TMEM39B: variants seen among roughly 807,000 people sequenced by gnomAD.
The protein encoded by TMEM39B is transmembrane protein 39B.
TMEM39B carries 23 observed loss-of-function variants against 52.2 expected under a neutral mutation model. The observed-to-expected ratio is 0.44, with a 90% CI of 0.32 to 0.62. TMEM39B has a LOEUF of 0.62. TMEM39B is among the 20% of genes least tolerant of loss of function. The pLI is 0.06. For missense variants in TMEM39B, 547 were observed against 642.0 expected (o/e 0.85, Z 1.60); for synonymous variants, 285 against 264.0 (o/e 1.08, Z -0.77).
At chr1:32,092,076 G>A (rs1640632387) in intron 6 of TMEM39B, 65 bp downstream of exon 6, 1 of 1,471,500 alleles carries the variant, frequency 6.8e-7, no homozygotes, top group African/African-American at 1.4e-5. Context: ...CCTGCCCGAT[G>A]TGAGTTCTCC....
chr1:32,083,986 G>GACAC (rs779224876), intron 5 of TMEM39B, among the ~76,000 whole-genome samples: 9 of 151,528 alleles, frequency 5.9e-5, no homozygotes, highest in East Asian at 5.8e-4. Flanking sequence ...CCCTGTTTCA[G>GACAC]ACACACAGAC....
In TMEM39B at chr1:32,075,480, AG is replaced by A. The variant is rs1466672741; in HGVS notation, c.132-121del. The A allele has an allele frequency of 1.2e-5, 12 of 993,740 alleles. No homozygotes were observed. The East Asian group carries it at 2.9e-4, about 24-fold the overall frequency. 61.6% of individuals were successfully genotyped at this position (993,740 alleles called of 1,614,324 possible). ...GTTCCTTTGTCTGACAAGCAGGATT[AG>A]GAAGACCCCGTCCTTGCTATGAGCT... On this transcript the variant is annotated intron_variant, in intron 2 of 8. Coordinates refer to ENST00000336294, the MANE Select transcript of TMEM39B (RefSeq NM_018056.4).
chr1:32,091,743 T>C lies in TMEM39B; in HGVS notation c.659T>C (p.Met220Thr). The change falls in exon 6 of 9, where the codon ATG becomes ACG. Residue 220 changes from methionine (M) to threonine (T), a missense_variant. Coordinates refer to ENST00000336294, the MANE Select transcript of TMEM39B (RefSeq NM_018056.4). ...CGCAAGACAAGCCTCTTCAACCACA[T>C]GGCCTCCATGGGGCCCCGGGAGGCG... Reference protein sequence around the residue: ...DLRKTSLFNHMASMGPREAVS... With the variant: ...DLRKTSLFNHTASMGPREAVS... 1.9e-6 allele frequency: 3 copies of C among 1,614,158 alleles called. No individual in the cohort carries two copies. The highest frequency in any genetic ancestry group is 2.5e-6 in the Non-Finnish European group (3 of 1,180,008).
chr1:32,081,534 G>C (rs1640101261), intron 5 of TMEM39B, among the ~76,000 whole-genome samples: 1 of 152,112 alleles, frequency 6.6e-6, no homozygotes, highest in Non-Finnish European at 1.5e-5. Flanking sequence ...GATCACTTGA[G>C]GTCAGGAGTT....
At position 32,102,675 on chromosome 1, in the gene TMEM39B, C is replaced by A; in HGVS notation, c.*2C>A. The A allele has an allele frequency of 1.3e-6, 2 of 1,549,408 alleles. No individual in the cohort carries two copies. Among genetic ancestry groups the A allele is most frequent in the Non-Finnish European group, 1.7e-6 (2 of 1,144,978 alleles). On this transcript the variant is annotated 3_prime_UTR_variant, in exon 9 of 9. Transcript: ENST00000336294. ...GACCTGGACCACCGTTTCTCCTGAG[C>A]CCTGGGGTCACCTCAGGGACAGCGT...
At chr1:32,074,342 A>G (rs938037926) in intron 1 of TMEM39B, among the ~76,000 whole-genome samples, 1 of 152,174 alleles carries the variant, frequency 6.6e-6, no homozygotes, top group African/African-American at 2.4e-5. Flanking sequence ...AATGTGTACC[A>G]GAGTTGAGAG....
At chr1:32,072,638 A>C (rs1639687153), upstream of TMEM39B, among the ~76,000 whole-genome samples, 1 of 152,106 alleles carries the variant, frequency 6.6e-6, no homozygotes, top group South Asian at 2.1e-4. Flanking sequence ...GTGCCTGCGG[A>C]CCGGTCAGGG....
At chr1:32,073,266 C>A in intron 1 of TMEM39B, 1 of 580,610 alleles carries the variant, frequency 1.7e-6, no homozygotes, top group Non-Finnish European at 2.7e-6. Flanking sequence ...GCTTCTAAGA[C>A]GAAGCCCTGT....
At chr1:32,095,034 G>A in intron 7 of TMEM39B, 63 bp downstream of exon 7, 7 of 1,555,788 alleles carry the variant, frequency 4.5e-6, no homozygotes, top group Non-Finnish European at 6.1e-6. Context: ...GGAGTCACTT[G>A]TCCACTCGCT....
At chr1:32,074,704 A>T (rs1639778728) in intron 1 of TMEM39B, among the ~76,000 whole-genome samples, 1 of 151,268 alleles carries the variant, frequency 6.6e-6, no homozygotes, top group Admixed American at 6.6e-5. Flanking sequence ...AGAGGTAGCA[A>T]TGAGCTTGGC....
Position 32,082,599 on chromosome 1 carries a change from T to C in TMEM39B, c.590+5281T>C, listed in dbSNP as rs1308979065. ...CCTCCCGAGTAGCTGGGATTACAGG[T>C]GTGCACCACCACGCCCAGCTAATTT... On this transcript the variant is annotated intron_variant, in intron 5 of 8. Transcript: ENST00000336294. Among the ~76,000 whole-genome samples, 8 of 144,162 alleles carry C rather than the reference T, an allele frequency of 5.5e-5. No individual in the cohort carries two copies. In the South Asian group the frequency reaches 1.6e-3, roughly 28 times the overall value. 94.6% of individuals were successfully genotyped at this position (144,162 alleles called of 152,430 possible).
chr1:32,094,917 TG>T lies in TMEM39B; in HGVS notation c.1064del (p.Gly355AlafsTer31). ...CDLLHKAAAHLGCWQKVDPAL... is the reference protein window; with the variant it reads ...CDLLHKAAAHXGCWQKVDPAL... ...CTGCTGCACAAGGCCGCCGCCCATC[TG>T]GGCTGTTGGCAGAAGGTGGACCCAG... On this transcript the variant is annotated frameshift_variant, in exon 7 of 9. Coordinates refer to ENST00000336294, the MANE Select transcript of TMEM39B (RefSeq NM_018056.4). LOFTEE classifies it high-confidence loss of function. 6.2e-7 allele frequency: 1 copy of T among 1,613,960 alleles called. No individual in the cohort carries two copies. Among genetic ancestry groups the T allele is most frequent in the Non-Finnish European group, 8.5e-7 (1 of 1,180,044 alleles).
intron 3 of TMEM39B, 81 bp downstream of exon 3, chr1:32,075,903 A>G: frequency 2.1e-6 from 2 of 968,542 alleles, no homozygotes. Context: ...TTTTGGTTTC[A>G]GTTTAGCATA....
intron 5 of TMEM39B, among the ~76,000 whole-genome samples, chr1:32,083,409 C>CT (rs1052027069): frequency 0.091 from 4,982 of 54,762 alleles, 890 homozygotes; most frequent in Non-Finnish European, 0.11. Context: ...TAAAGGACTT[C>CT]TTTTTTTTTT....
intron 7 of TMEM39B, among the ~76,000 whole-genome samples, chr1:32,098,893 A>G (rs1640913585): frequency 6.6e-6 from 1 of 152,244 alleles, no homozygotes; most frequent in Non-Finnish European, 1.5e-5. Flanking sequence ...ACAGATGGGA[A>G]ATAAATAGAT....
chr1:32,088,145 C>T lies in TMEM39B; in HGVS notation c.591-3530C>T, dbSNP rs551761476. Reference sequence around the variant, plus strand: ...CATCTCCAAAAAAAAAAGCCAGGCACGGTGGCTCATGCCTGTAATCCCAGC... The same window carrying T: ...CATCTCCAAAAAAAAAAGCCAGGCATGGTGGCTCATGCCTGTAATCCCAGC... On this transcript the variant is annotated intron_variant, in intron 5 of 8. Transcript: ENST00000336294. Among the ~76,000 whole-genome samples the T allele has an allele frequency of 7.7e-3, 974 of 125,960 alleles. 6 individuals are homozygous for T. Among genetic ancestry groups the T allele is most frequent in the African/African-American group, 0.026 (891 of 33,826 alleles). 82.6% of individuals were successfully genotyped at this position (125,960 alleles called of 152,430 possible).
chr1:32,102,488 G>C lies in TMEM39B; in HGVS notation c.1294G>C (p.Val432Leu), dbSNP rs1208959624. The C allele has an allele frequency of 1.2e-6, 2 of 1,614,162 alleles. No individual in the cohort carries two copies. The highest frequency in any genetic ancestry group is 3.3e-5 in the Admixed American group (2 of 60,012). Reference sequence around the variant, plus strand: ...CATCCTCCTGCTGCTGGAGGGCGCTGTCATTGTCTATCAGCTGTACTCCCT... The same window carrying C: ...CATCCTCCTGCTGCTGGAGGGCGCTCTCATTGTCTATCAGCTGTACTCCCT... ...LNILLLLEGA[V>L]IVYQLYSLMS... is the part of the protein sequence containing the mutation. The change falls in exon 9 of 9, where the codon GTC (valine) becomes CTC (leucine). Residue 432 changes from valine (V) to leucine (L), a missense_variant. Transcript: ENST00000336294.
intron 5 of TMEM39B, among the ~76,000 whole-genome samples, chr1:32,090,057 T>C (rs1476983611): frequency 2.0e-5 from 3 of 151,690 alleles, no homozygotes; most frequent in Admixed American, 2.0e-4. Context: ...TGTAGCATTG[T>C]GATCAGCCCT....
chr1:32,098,549 G>A (rs1391437375), intron 7 of TMEM39B, among the ~76,000 whole-genome samples: 5 of 151,834 alleles, frequency 3.3e-5, no homozygotes, highest in South Asian at 2.1e-4. Flanking sequence ...TGGCTAACAC[G>A]GTGAAACCCC....
Sources: allele counts gnomAD v4.1 joint callset (sites outside exome capture counted in the v4.1 genomes callset), GRCh38; gene constraint gnomAD v4.1.1; transcripts MANE v1.5; gene names NCBI Gene and HGNC (gene_info 2026-07-23, HGNC 2026-07-21).